Variants in ZNF653 observed in about 807,000 individuals in gnomAD.
ZNF653 encodes zinc finger protein 653.
A neutral mutation model predicts 59.9 loss-of-function variants in ZNF653; 37 were observed. That is an observed-to-expected ratio of 0.62 (90% CI 0.48 to 0.81). The LOEUF is 0.81. Among genes scored for constraint, ZNF653 ranks in the 40% least tolerant of loss-of-function variants. ZNF653 has a pLI of 0.00. For synonymous variants in ZNF653, 435 were observed against 371.8 expected (o/e 1.17, Z -1.96); for missense variants, 808 against 881.1 (o/e 0.92, Z 1.05).
chr19:11,502,236 C>T (rs926632028), intron 1 of ZNF653, among the ~76,000 whole-genome samples: 5 of 152,120 alleles, frequency 3.3e-5, no homozygotes, highest in Admixed American at 2.6e-4. Flanking sequence ...CGACTACAGG[C>T]GTGCGCCACC....
intron 1 of ZNF653, among the ~76,000 whole-genome samples, chr19:11,504,071 T>C (rs1971676200): frequency 6.6e-6 from 1 of 151,970 alleles, no homozygotes. Context: ...TGCCACTGCA[T>C]TCCACTCTGG....
intron 1 of ZNF653, among the ~76,000 whole-genome samples, chr19:11,501,570 G>A (rs1200572303): frequency 6.6e-6 from 1 of 152,042 alleles, no homozygotes; most frequent in Non-Finnish European, 1.5e-5. Context: ...TCCAGTCAGA[G>A]CTTTGCTCCA....
chr19:11,497,225 C>T (rs1288033069), intron 2 of ZNF653, among the ~76,000 whole-genome samples: 1 of 152,238 alleles, frequency 6.6e-6, no homozygotes, highest in African/African-American at 2.4e-5. Flanking sequence ...GTCTGTCTCT[C>T]CCACCAGAAT....
chr19:11,504,620 C>A, intron 1 of ZNF653: 2 of 944,436 alleles, frequency 2.1e-6, no homozygotes, highest in Non-Finnish European at 2.5e-6. Flanking sequence ...CTCAGAATCT[C>A]CCCCCAGAGA....
Position 11,505,829 on chromosome 19 carries a change from A to G in ZNF653, c.-43T>C. 2.4e-6 allele frequency: 3 copies of G among 1,232,876 alleles called. No individual in the cohort carries two copies. Among genetic ancestry groups the G allele is most frequent in the Non-Finnish European group, 3.1e-6 (3 of 967,826 alleles). 76.4% of individuals were successfully genotyped at this position (1,232,876 alleles called of 1,614,324 possible). On this transcript the variant is annotated 5_prime_UTR_variant, in exon 1 of 9. Transcript: ENST00000293771. ...CCAGCCTCCCCCGTTGTTAGGAGCC[A>G]GACCGGAAGTGGCGCGCATCTTCGG...
intron 8 of ZNF653, 53 bp downstream of exon 8, chr19:11,483,989 T>G: frequency 6.5e-7 from 1 of 1,539,888 alleles, no homozygotes; most frequent in South Asian, 1.2e-5. Context: ...TGGGACCTGC[T>G]GGGATCCCCT....
intron 3 of ZNF653, among the ~76,000 whole-genome samples, chr19:11,488,693 GT>G (rs1401703083): frequency 6.6e-6 from 1 of 151,266 alleles, no homozygotes; most frequent in African/African-American, 2.4e-5. Flanking sequence ...CGCTTCCCAG[GT>G]TCACACCATT....
In ZNF653 at chr19:11,487,371, G is replaced by A; in HGVS notation, c.1092C>T (p.Ala364=). 6.2e-7 allele frequency: 1 copy of A among 1,613,016 alleles called. No homozygotes were observed. Among genetic ancestry groups the A allele is most frequent in the Non-Finnish European group, 8.5e-7 (1 of 1,179,902 alleles). ...TACCCTCGGGCTCTGTCTGGGTGTA[G>A]GCTGCCACACCCTCCATCATGGCAC... ...VPCAMMEGVA[A]YTQTEPEGSQ... The change falls in exon 4 of 9, where the codon GCC becomes GCT. Residue 364 remains alanine, a synonymous_variant. Coordinates refer to ENST00000293771, the MANE Select transcript of ZNF653 (RefSeq NM_138783.4). This position sits in a 1 kb window ranked among gnomAD's most constrained non-coding sequence, Gnocchi z 5.1.
At chr19:11,486,695 G>T in intron 6 of ZNF653, 74 bp downstream of exon 6, 1 of 1,274,684 alleles carries the variant, frequency 7.8e-7, no homozygotes, top group Non-Finnish European at 1.1e-6. Context: ...GCAAACTAGA[G>T]GTAGGACATC....
At chr19:11,484,907 T>G in intron 7 of ZNF653, among the ~76,000 whole-genome samples, 1 of 150,004 alleles carries the variant, frequency 6.7e-6, no homozygotes, top group East Asian at 2.0e-4. Flanking sequence ...AAAAATTAGC[T>G]GGCATGGTGG....
chr19:11,488,787 G>A (rs1971499374), intron 3 of ZNF653, among the ~76,000 whole-genome samples: 1 of 150,348 alleles, frequency 6.7e-6, no homozygotes, highest in Non-Finnish European at 1.5e-5. Flanking sequence ...TAGTAGAGAT[G>A]GAGTTTCACT....
Position 11,484,157 on chromosome 19 carries a change from A to G in ZNF653, c.1571-16T>C, listed in dbSNP as rs1311014018. 5.8e-6 allele frequency: 9 copies of G among 1,548,260 alleles called. No homozygotes were observed. Among genetic ancestry groups the G allele is most frequent in the Non-Finnish European group, 7.9e-6 (9 of 1,144,752 alleles). On this transcript the variant is annotated splice_polypyrimidine_tract_variant and intron_variant, in intron 7 of 8. Transcript: ENST00000293771. ...TCACGGACACCTGGGGGCGGTGGGG[A>G]CCGAGGCTGAGGACGGTGGGCTATG...
intron 1 of ZNF653, chr19:11,505,072 G>T (rs1484353741): frequency 1.1e-5 from 2 of 175,636 alleles, no homozygotes; most frequent in African/African-American, 2.4e-5. Context: ...AAGAAGGGCA[G>T]GGCTGAGTGC....
intron 2 of ZNF653, 93 bp from the exon 3 acceptor site, chr19:11,496,258 T>G (rs1357729783): frequency 1.2e-4 from 162 of 1,318,704 alleles, no homozygotes; most frequent in Non-Finnish European, 9.5e-6. Flanking sequence ...ATGGGTCCCA[T>G]GGGTTTGGAG....
chr19:11,497,927 G>C (rs1050967931), intron 2 of ZNF653, among the ~76,000 whole-genome samples: 1 of 152,220 alleles, frequency 6.6e-6, no homozygotes, highest in South Asian at 2.1e-4. Context: ...CCCAGCTCCA[G>C]GGCTCAGAGC....
chr19:11,498,687 G>C (rs987897353), intron 1 of ZNF653, among the ~76,000 whole-genome samples: 6 of 151,794 alleles, frequency 4.0e-5, no homozygotes, highest in Non-Finnish European at 7.4e-5. Context: ...CAGGTGATCC[G>C]CCCACCTCAG....
Position 11,490,695 on chromosome 19 carries a change from G to A in ZNF653, c.560-2792C>T, listed in dbSNP as rs184063451. 1.8e-3 allele frequency among the ~76,000 whole-genome samples: 271 copies of A among 152,088 alleles called. 5 individuals carry two copies. Among genetic ancestry groups the A allele is most frequent in the Admixed American group, 0.015 (233 of 15,238 alleles). The stretch of plus-strand genomic sequence containing the variant: ...GGTGTGAGCCACCGCGACTGGCCAA[G>A]TATGTATTCTTATTACTACAACCAT... On this transcript the variant is annotated intron_variant, in intron 3 of 8. Transcript: ENST00000293771.
chr19:11,496,568 T>C (rs1238047453), intron 2 of ZNF653, among the ~76,000 whole-genome samples: 1 of 151,704 alleles, frequency 6.6e-6, no homozygotes, highest in African/African-American at 2.4e-5. Context: ...TGTTCCCTCC[T>C]CTGCTCAGAA....
At chr19:11,497,236 G>A (rs1971597874) in intron 2 of ZNF653, among the ~76,000 whole-genome samples, 1 of 152,234 alleles carries the variant, frequency 6.6e-6, no homozygotes, top group Admixed American at 6.5e-5. Flanking sequence ...CCACCAGAAT[G>A]TCAGCTCCTC....
Sources: gnomAD v4.1 joint callset for allele counts (sites outside exome capture counted in the v4.1 genomes callset) on GRCh38, gnomAD v4.1.1 for gene constraint, Gnocchi (gnomAD v3.1) non-coding constraint, MANE v1.5 for transcripts, NCBI Gene and HGNC (gene_info 2026-07-23, HGNC 2026-07-21) for gene names.